The following AKAP3 variants were observed in gnomAD, a reference collection of about 807,000 sequenced individuals.
AKAP3 encodes A-kinase anchor protein 3.
Under a neutral mutation model 57.2 loss-of-function variants are expected in AKAP3, and 27 were observed. The ratio of observed to expected loss-of-function variants is 0.47; its 90% CI spans 0.35 to 0.65. AKAP3 has a LOEUF of 0.65. AKAP3 is among the 30% of genes least tolerant of loss of function. The pLI is 0.01. For synonymous variants in AKAP3, 334 were observed against 392.3 expected (o/e 0.85, Z 1.76); for missense variants, 959 against 1,040.0 (o/e 0.92, Z 1.07).
At position 4,615,753 on chromosome 12, in the gene AKAP3, T is replaced by A; in HGVS notation, c.2548A>T (p.Met850Leu). ...VTPLQLLDWLMVNL is the reference protein window; with the variant it reads ...VTPLQLLDWLLVNL ...GGGGTTGCCGATTACAGGTTCACCA[T>A]CAGCCAGTCCAGCAGCTGCAGCGGT... Residue 850 changes from methionine to leucine, a missense_variant, in exon 6 of 6, where the codon ATG becomes TTG. By Grantham distance (15) the Met-to-Leu change is conservative (BLOSUM62 2). Transcript: ENST00000228850. The A allele has an allele frequency of 6.2e-7, 1 of 1,614,052 alleles. No individual in the cohort carries two copies. Among genetic ancestry groups the A allele is most frequent in the Non-Finnish European group, 8.5e-7 (1 of 1,179,920 alleles).
At chr12:4,622,168 T>C (rs1945354981) in intron 5 of AKAP3, among the ~76,000 whole-genome samples, 1 of 152,178 alleles carries the variant, frequency 6.6e-6, no homozygotes, top group Admixed American at 6.5e-5. Flanking sequence ...TTCTCATGGA[T>C]AGAAAGAGTC....
chr12:4,619,005 A>G (rs1945316415), intron 5 of AKAP3, among the ~76,000 whole-genome samples: 1 of 152,252 alleles, frequency 6.6e-6, no homozygotes, highest in Non-Finnish European at 1.5e-5. Context: ...TATGGGTGAA[A>G]GGATTGCATA....
At chr12:4,630,429 C>T (rs1358585881) in intron 4 of AKAP3, among the ~76,000 whole-genome samples, 1 of 152,000 alleles carries the variant, frequency 6.6e-6, no homozygotes, top group African/African-American at 2.4e-5. Context: ...GGGCGCTCCA[C>T]GTCTACAATA....
intron 4 of AKAP3, among the ~76,000 whole-genome samples, chr12:4,637,724 C>T (rs1433139872): frequency 6.6e-6 from 1 of 152,098 alleles, no homozygotes. Flanking sequence ...GCATCCTACA[C>T]TTTAGAAAAT....
rs1462701932 is a variant in AKAP3, at chr12:4,628,839, C to CA, written c.97-35dup. The CA allele has an allele frequency of 1.9e-6, 3 of 1,564,704 alleles. No homozygotes were observed. The African/African-American group carries it at 4.1e-5, about 21-fold the overall frequency. On this transcript the variant is annotated intron_variant, in intron 4 of 5. Transcript: ENST00000228850. ...TAGACAAGGATTCATCTGACTATAACAAAGTAAAGATATGGGATATTCAAG... is the reference window on the plus strand; with the variant it reads ...TAGACAAGGATTCATCTGACTATAACAAAAGTAAAGATATGGGATATTCAAG...
chr12:4,615,793 C>T lies in AKAP3; in HGVS notation c.2508G>A (p.Ala836=), dbSNP rs371277567. 53 of 1,614,098 alleles carry T rather than the reference C, an allele frequency of 3.3e-5. No individual in the cohort carries two copies. The East Asian group carries it at 4.7e-4, about 14-fold the overall frequency. ...RYEKERQLNE[A]VGNVTPLQLL... The stretch of plus-strand genomic sequence containing the variant: ...GCTGCAGCGGTGTGACATTCCCCAC[C>T]GCCTCATTCAGCTGGCGCTCCTTCT... The change falls in exon 6 of 6, where the codon GCG becomes GCA. Residue 836 remains alanine (A), a synonymous_variant. Coordinates refer to ENST00000228850, the MANE Select transcript of AKAP3 (RefSeq NM_001278309.2).
Position 4,628,446 on chromosome 12 carries a change from G to C in AKAP3, c.456C>G (p.Asn152Lys). The change falls in exon 5 of 6, where the codon AAC becomes AAG. Residue 152 changes from asparagine to lysine, a missense_variant. Physicochemically the swap from Asn to Lys is moderately conservative, Grantham distance 94. Coordinates refer to ENST00000228850, the MANE Select transcript of AKAP3 (RefSeq NM_001278309.2). ...EINEKIDGSE[N>K]KCVYQSLYMG... ...TGTACAATGACTGATAGACACATTT[G>C]TTTTCAGAGCCATCGATCTTCTCAT... The C allele has an allele frequency of 6.2e-7, 1 of 1,614,156 alleles. No homozygotes were observed. Among genetic ancestry groups the C allele is most frequent in the Non-Finnish European group, 8.5e-7 (1 of 1,180,012 alleles).
chr12:4,623,254 T>C (rs576275182), intron 5 of AKAP3, among the ~76,000 whole-genome samples: 4 of 152,352 alleles, frequency 2.6e-5, no homozygotes, highest in African/African-American at 9.6e-5. Flanking sequence ...ATCCCATTAC[T>C]GGGTGTATAT....
At position 4,628,303 on chromosome 12, in the gene AKAP3, T is replaced by A; in HGVS notation, c.599A>T (p.Asp200Val). The change falls in exon 5 of 6, where the codon GAC (aspartate) becomes GTC (valine). Residue 200 changes from aspartate to valine, a missense_variant. Coordinates refer to ENST00000228850, the MANE Select transcript of AKAP3 (RefSeq NM_001278309.2). Reference protein sequence around the residue: ...AAPDKAPGSGDRVSGSSQSPP... With the variant: ...AAPDKAPGSGVRVSGSSQSPP... ...ACTTTGTGATGATCCCGAGACTCTG[T>A]CTCCAGAGCCAGGAGCCTTGTCTGG... 6.2e-7 allele frequency: 1 copy of A among 1,614,144 alleles called. No homozygotes were observed. Among genetic ancestry groups the A allele is most frequent in the Non-Finnish European group, 8.5e-7 (1 of 1,180,010 alleles).
At chr12:4,639,601 G>A (rs11063277) in intron 3 of AKAP3, among the ~76,000 whole-genome samples, 5 of 99,376 alleles carry the variant, frequency 5.0e-5, no homozygotes, top group African/African-American at 1.7e-4. Flanking sequence ...AACAGGCCCC[G>A]GTGTGTGATG....
chr12:4,624,335 G>T (rs1945383978), intron 5 of AKAP3, among the ~76,000 whole-genome samples: 1 of 149,434 alleles, frequency 6.7e-6, no homozygotes, highest in Non-Finnish European at 1.5e-5. Context: ...GTGTGTGTGT[G>T]TGTGTGTGTG....
intron 4 of AKAP3, chr12:4,631,416 A>T: frequency 1.4e-6 from 1 of 689,682 alleles, no homozygotes; most frequent in Admixed American, 2.1e-5. Flanking sequence ...TTTTTGCCAC[A>T]AAGTGGGGCT....
At chr12:4,630,134 T>C (rs1342402352) in intron 4 of AKAP3, among the ~76,000 whole-genome samples, 1 of 152,234 alleles carries the variant, frequency 6.6e-6, no homozygotes, top group East Asian at 1.9e-4. Context: ...TGACCACAGA[T>C]ATTACCCACC....
At chr12:4,642,959 TG>T (rs1945655019) in intron 2 of AKAP3, among the ~76,000 whole-genome samples, 1 of 152,216 alleles carries the variant, frequency 6.6e-6, no homozygotes, top group Non-Finnish European at 1.5e-5. Flanking sequence ...GCGGTTACTA[TG>T]GCGGTAATCC....
Position 4,627,164 on chromosome 12 carries a change from C to G in AKAP3, c.1738G>C (p.Gly580Arg), listed in dbSNP as rs769749340. 1 of 1,614,068 alleles carries G rather than the reference C, an allele frequency of 6.2e-7. No homozygotes were observed. The highest frequency in any genetic ancestry group is 8.5e-7 in the Non-Finnish European group (1 of 1,180,018). ...ESCLKSAPIV[G>R]DQEQAEKKDL... ...TTCTTTTCTGCTTGTTCTTGGTCAC[C>G]TACAATGGGAGCAGACTTAAGGCAA... Residue 580 changes from glycine to arginine, a missense_variant, in exon 5 of 6, where the codon GGT (glycine) becomes CGT (arginine). Transcript: ENST00000228850.
intron 4 of AKAP3, among the ~76,000 whole-genome samples, chr12:4,634,440 C>A (rs1369121780): frequency 2.0e-5 from 3 of 151,924 alleles, no homozygotes; most frequent in African/African-American, 7.3e-5. Context: ...AATGCAGTAC[C>A]CTATTGACAG....
At position 4,641,978 on chromosome 12, in the gene AKAP3, C is replaced by A. The variant is rs144053193; in HGVS notation, c.-80G>T. 3.3e-5 allele frequency: 5 copies of A among 152,146 alleles called. No homozygotes were observed. Among genetic ancestry groups the A allele is most frequent in the Non-Finnish European group, 7.4e-5 (5 of 68,012 alleles). The allele number at this position is 152,146 out of a possible 1,614,324, so 9.4% of individuals were successfully genotyped here. ...TGTCTTCACTATCCCTCAGTTTACC[C>A]CCCTCCTGCCATGTAATATAAGGAA... On this transcript the variant is annotated 5_prime_UTR_variant, in exon 3 of 6. Transcript: ENST00000228850.
At chr12:4,629,228 G>A (rs1236255785) in intron 4 of AKAP3, among the ~76,000 whole-genome samples, 1 of 152,200 alleles carries the variant, frequency 6.6e-6, no homozygotes, top group Non-Finnish European at 1.5e-5. Flanking sequence ...TGGATAGTCT[G>A]CCAAGGATAA....
Position 4,632,166 on chromosome 12 carries a change from C to T in AKAP3, c.97-3361G>A, listed in dbSNP as rs1049632595. ...TTCTAAGTAAGATGGAACACTGAGA[C>T]ATTGATGGCTAAGCGTAAAGTATAT... On this transcript the variant is annotated intron_variant, in intron 4 of 5. Transcript: ENST00000228850. 2.6e-4 allele frequency among the ~76,000 whole-genome samples: 39 copies of T among 152,272 alleles called. 1 individual carries two copies. Among genetic ancestry groups the T allele is most frequent in the Admixed American group, 2.6e-3 (39 of 15,292 alleles).
Sources: allele counts gnomAD v4.1 joint callset (sites outside exome capture counted in the v4.1 genomes callset), GRCh38; gene constraint gnomAD v4.1.1; transcripts MANE v1.5; gene names NCBI Gene and HGNC (gene_info 2026-07-23, HGNC 2026-07-21).